The following PLEKHA8 variants were observed in gnomAD, a reference collection of about 807,000 sequenced individuals.
PLEKHA8 encodes the protein pleckstrin homology domain containing A8, also known as pleckstrin homology domain-containing family A member 8.
PLEKHA8 carries 36 observed loss-of-function variants against 68.2 expected under a neutral mutation model. That is an observed-to-expected ratio of 0.53 (90% CI 0.40 to 0.70). The LOEUF (loss-of-function observed/expected upper bound fraction) is 0.70. Among genes scored for constraint, PLEKHA8 ranks in the 30% least tolerant of loss-of-function variants. PLEKHA8 has a pLI of 0.00. For missense variants in PLEKHA8, 505 were observed against 615.4 expected, an observed-to-expected ratio of 0.82 and a Z score of 1.90; for synonymous variants, 211 against 216.1, an observed-to-expected ratio of 0.98 and a Z score of 0.20.
intron 1 of PLEKHA8, among the ~76,000 whole-genome samples, chr7:30,041,419 A>ATTTT (rs59541222): frequency 2.5e-5 from 3 of 120,196 alleles, no homozygotes; most frequent in Non-Finnish European, 3.5e-5. Context: ...TACCAGCTAC[A>ATTTT]TTTTTTTTTT....
At chr7:30,119,065 G>A (rs1796653315) in intron 13 of PLEKHA8, among the ~76,000 whole-genome samples, 1 of 152,218 alleles carries the variant, frequency 6.6e-6, no homozygotes, top group East Asian at 1.9e-4. Context: ...GACTGCTGTG[G>A]GTTCATCACC....
chr7:30,129,438 G>A (rs866965893), exon 14 of PLEKHA8: 32 of 1,019,244 alleles, frequency 3.1e-5, no homozygotes, highest in Middle Eastern at 4.9e-4. Flanking sequence ...TCTCATTCAT[G>A]TGAAACAAAG....
rs532857054 is a variant in PLEKHA8 at position 30,102,574 on chromosome 7, C to T, written c.1363-26692C>T. On this transcript the variant is annotated intron_variant, in intron 13 of 13. Coordinates refer to the PLEKHA8 transcript ENST00000396257. ...AACAAAATGTGGTATATACAAACAACGGGATATTATTTGGCCATAGGAAAG... is the reference window on the plus strand; with the variant it reads ...AACAAAATGTGGTATATACAAACAATGGGATATTATTTGGCCATAGGAAAG... Among the ~76,000 whole-genome samples, 224 of 152,222 alleles carry T rather than the reference C, an allele frequency of 1.5e-3. 1 individual carries two copies. Among genetic ancestry groups the T allele is most frequent in the African/African-American group, 5.1e-3 (210 of 41,514 alleles).
intron 9 of PLEKHA8, among the ~76,000 whole-genome samples, chr7:30,056,750 T>TAAA (rs1562870912): frequency 1.0e-5 from 1 of 96,436 alleles, no homozygotes; most frequent in East Asian, 2.9e-4. Context: ...AAAGTGTGTG[T>TAAA]GTGTGTGTGT....
chr7:30,045,246 T>C, intron 2 of PLEKHA8, 45 bp downstream of exon 2: 1 of 1,489,250 alleles, frequency 6.7e-7, no homozygotes, highest in South Asian at 1.2e-5. Flanking sequence ...CTTTCTGTTT[T>C]CCCTCAAAAA....
chr7:30,029,996 T>C (rs1029581127), intron 1 of PLEKHA8, among the ~76,000 whole-genome samples: 1 of 152,228 alleles, frequency 6.6e-6, no homozygotes, highest in South Asian at 2.1e-4. Context: ...AGAAGAGGTT[T>C]TTCTTGTTTG....
rs1791948373 is a variant in PLEKHA8, at chr7:30,046,226, T to C, written c.174T>C (p.Asn58=). 6.2e-7 allele frequency: 1 copy of C among 1,609,622 alleles called. No individual in the cohort carries two copies. The highest frequency in any genetic ancestry group is 8.5e-7 in the Non-Finnish European group (1 of 1,177,706). The change falls in exon 3 of 14, where the codon AAT becomes AAC. Residue 58 remains asparagine (N), a synonymous_variant. Transcript: ENST00000449726. ...TGCTCCCAGTTCATTCTGTAGATAATACACGCATGGACCTGATAATCCCTG... is the reference window on the plus strand; with the variant it reads ...TGCTCCCAGTTCATTCTGTAGATAACACACGCATGGACCTGATAATCCCTG... ...VCEIQVHSVD[N]TRMDLIIPGE...
chr7:30,081,309 G>C lies in PLEKHA8; in HGVS notation c.*2522G>C. The C allele has an allele frequency of 1.0e-6, 1 of 985,148 alleles. No homozygotes were observed. The highest frequency in any genetic ancestry group is 1.2e-6 in the Non-Finnish European group (1 of 829,754). 61.0% of individuals were successfully genotyped at this position (985,148 alleles called of 1,614,324 possible). A position where few individuals can be genotyped will look rare whatever the true frequency, so the allele number is the denominator to read the frequency against. ...TTACGTTTGCCTAAGATGTATAAAA[G>C]TTTGTTTAAGATGTGTAAAAGTTTG... is the stretch of plus-strand genomic sequence containing the variant. On this transcript the variant is annotated 3_prime_UTR_variant, in exon 14 of 14. Transcript: ENST00000449726.
intron 9 of PLEKHA8, among the ~76,000 whole-genome samples, chr7:30,056,278 T>TTCCCTCTCTCTCTCTC (rs771622715): frequency 3.5e-5 from 2 of 56,384 alleles, no homozygotes; most frequent in African/African-American, 1.2e-4. Flanking sequence ...TAAAGATATA[T>TTCCCTCTCTCTCTCTC]TCTCTCTCTC....
intron 13 of PLEKHA8, among the ~76,000 whole-genome samples, chr7:30,096,241 A>G (rs977186031): frequency 2.0e-5 from 3 of 152,170 alleles, no homozygotes; most frequent in African/African-American, 7.2e-5. Flanking sequence ...GGTCCTTCAC[A>G]TCCCTTGTAA....
chr7:30,074,246 TTGTGTGTGTG>T (rs149548208), intron 13 of PLEKHA8, 114 bp downstream of exon 13: 6 of 488,434 alleles, frequency 1.2e-5, no homozygotes, highest in East Asian at 1.2e-4. Flanking sequence ...AGAAACAAAG[TTGTGTGTGTG>T]TGTGTGTGTG....
intron 13 of PLEKHA8, among the ~76,000 whole-genome samples, chr7:30,101,720 C>T (rs1321502973): frequency 6.6e-6 from 1 of 152,100 alleles, no homozygotes; most frequent in East Asian, 1.9e-4. Context: ...TGTGCAAAAT[C>T]TTTACACACT....
intron 2 of PLEKHA8, 23 bp from the exon 3 acceptor site, chr7:30,046,187 A>T (rs749902940): frequency 1.3e-6 from 2 of 1,543,180 alleles, no homozygotes; most frequent in Admixed American, 3.8e-5. Flanking sequence ...TGAGTCTCTG[A>T]TCTCCCTCTG....
At chr7:30,071,383 G>A (rs1794227352) in intron 12 of PLEKHA8, among the ~76,000 whole-genome samples, 1 of 152,052 alleles carries the variant, frequency 6.6e-6, no homozygotes. Context: ...TCTGTCTGCC[G>A]CACCATCTAC....
intron 1 of PLEKHA8, among the ~76,000 whole-genome samples, chr7:30,038,179 A>G (rs183187320): frequency 8.8e-4 from 134 of 152,334 alleles, no homozygotes; most frequent in African/African-American, 3.0e-3. Context: ...CCAAGATGTA[A>G]TAAGCCCATT....
chr7:30,081,836 G>A lies in PLEKHA8; in HGVS notation c.*3049G>A. The A allele has an allele frequency of 1.0e-6, 1 of 985,366 alleles. No individual in the cohort carries two copies. Among genetic ancestry groups the A allele is most frequent in the African/African-American group, 1.7e-5 (1 of 57,346 alleles). 61.0% of individuals were successfully genotyped at this position (985,366 alleles called of 1,614,324 possible). A position where few individuals can be genotyped will look rare whatever the true frequency, so the allele number is the denominator to read the frequency against. On this transcript the variant is annotated 3_prime_UTR_variant, in exon 14 of 14. Transcript: ENST00000449726. ...GCCTGTACTTTTCTCTATGGTAAAAGCCAGTGTTTACACTTTGTAGGGATC... is the reference window on the plus strand; with the variant it reads ...GCCTGTACTTTTCTCTATGGTAAAAACCAGTGTTTACACTTTGTAGGGATC...
At chr7:30,116,564 T>TA (rs963241739) in intron 13 of PLEKHA8, among the ~76,000 whole-genome samples, 2 of 152,066 alleles carry the variant, frequency 1.3e-5, no homozygotes, top group Non-Finnish European at 2.9e-5. Context: ...AACCTAGAAA[T>TA]AAAAAAGGGA....
At chr7:30,058,538 C>G (rs1034128050) in intron 9 of PLEKHA8, among the ~76,000 whole-genome samples, 3 of 148,488 alleles carry the variant, frequency 2.0e-5, no homozygotes, top group African/African-American at 7.4e-5. Flanking sequence ...ATATGTTTTC[C>G]TTTTTACATT....
chr7:30,029,484 T>G (rs1562845755), intron 1 of PLEKHA8, among the ~76,000 whole-genome samples: 1 of 152,330 alleles, frequency 6.6e-6, no homozygotes, highest in East Asian at 1.9e-4. Context: ...CGCCCTTTTT[T>G]TCTAGTTTGT....
Sources: gnomAD v4.1 joint callset for allele counts (sites outside exome capture counted in the v4.1 genomes callset) on GRCh38, gnomAD v4.1.1 for gene constraint, MANE v1.5 for transcripts, NCBI Gene and HGNC (gene_info 2026-07-23, HGNC 2026-07-21) for gene names.